The following ZC3H3 variants were observed in gnomAD, a reference collection of about 807,000 sequenced individuals.
ZC3H3 encodes zinc finger CCCH-type containing 3.
Under a neutral mutation model 77.3 loss-of-function variants are expected in ZC3H3, and 36 were observed. The ratio of observed to expected loss-of-function variants is 0.47; its 90% CI spans 0.36 to 0.61. ZC3H3 has a LOEUF of 0.61. ZC3H3 is among the 20% of genes least tolerant of loss of function. The pLI is 0.00. For synonymous variants in ZC3H3, 626 were observed against 555.2 expected (o/e 1.13, Z -1.79); for missense variants, 1,331 against 1,312.2 (o/e 1.01, Z -0.22).
chr8:143,495,766 T>C (rs939324291), intron 4 of ZC3H3, among the ~76,000 whole-genome samples: 6 of 149,996 alleles, frequency 4.0e-5, no homozygotes, highest in Admixed American at 6.6e-5. Context: ...TTCTTTCTTT[T>C]TTTTTTTTTT....
chr8:143,516,812 C>T (rs7820767), intron 3 of ZC3H3, among the ~76,000 whole-genome samples: 8,126 of 152,282 alleles, frequency 0.053, 730 homozygotes, highest in African/African-American at 0.18. Flanking sequence ...CCGTGGGATC[C>T]GGGGATTCAT....
chr8:143,514,313 C>G (rs1821963391), intron 3 of ZC3H3, among the ~76,000 whole-genome samples: 1 of 152,170 alleles, frequency 6.6e-6, no homozygotes, highest in Non-Finnish European at 1.5e-5. Context: ...CCACTCCCAC[C>G]CGGGCTGCCA....
At chr8:143,537,617 T>C (rs1009570278) in intron 2 of ZC3H3, among the ~76,000 whole-genome samples, 2 of 152,084 alleles carry the variant, frequency 1.3e-5, no homozygotes, top group Non-Finnish European at 1.5e-5. Flanking sequence ...TGTCTCACCA[T>C]CCCCCTGGGG....
In ZC3H3 at chr8:143,536,258, T is replaced by C; in HGVS notation, c.1560A>G (p.Glu520=). 1.9e-6 allele frequency: 3 copies of C among 1,610,228 alleles called. No individual in the cohort carries two copies. In the Admixed American group the frequency reaches 5.0e-5, roughly 27 times the overall value. The part of the protein sequence containing the change: ...PPSRAHLPTK[E]ASSLHAVRTA... ...CCAGCGCCCCTGCTCCCAGCATACCTTCCTTGGTGGGGAGGTGGGCCCGGC... is the reference window on the plus strand; with the variant it reads ...CCAGCGCCCCTGCTCCCAGCATACCCTCCTTGGTGGGGAGGTGGGCCCGGC... The change falls in exon 3 of 12, where the codon GAA becomes GAG. Residue 520 remains glutamate, a splice_region_variant and synonymous_variant. Transcript: ENST00000262577.
At chr8:143,534,700 C>T (rs1822736650) in intron 3 of ZC3H3, among the ~76,000 whole-genome samples, 1 of 152,174 alleles carries the variant, frequency 6.6e-6, no homozygotes, top group Admixed American at 6.5e-5. Context: ...CCACCCCTAC[C>T]ATCCACTCCC....
chr8:143,451,798 A>AG (rs1345031325), intron 9 of ZC3H3, among the ~76,000 whole-genome samples: 1 of 148,358 alleles, frequency 6.7e-6, no homozygotes, highest in Non-Finnish European at 1.5e-5. Flanking sequence ...AAAAAAAAAA[A>AG]GAAAAGAAAA....
chr8:143,466,298 C>T (rs1820407171), intron 8 of ZC3H3, among the ~76,000 whole-genome samples: 4 of 152,212 alleles, frequency 2.6e-5, no homozygotes, highest in Non-Finnish European at 4.4e-5. Context: ...GGCTCTCCCT[C>T]TCCAGGCACC....
chr8:143,532,581 C>T (rs1052479930), intron 3 of ZC3H3, among the ~76,000 whole-genome samples: 2 of 152,268 alleles, frequency 1.3e-5, no homozygotes, highest in South Asian at 2.1e-4. Flanking sequence ...AACACCCCAG[C>T]CGATGGAGGC....
intron 5 of ZC3H3, 62 bp downstream of exon 5, chr8:143,475,336 A>T (rs1820701913): frequency 7.8e-6 from 12 of 1,548,316 alleles, no homozygotes; most frequent in Non-Finnish European, 1.0e-5. Flanking sequence ...TCTGGCCTGC[A>T]ATGCCCACCA....
rs557952029 is a variant in ZC3H3 at position 143,518,618 on chromosome 8, G to A, written c.1562-10719C>T. Among the ~76,000 whole-genome samples the A allele has an allele frequency of 3.9e-5, 6 of 152,352 alleles. No homozygotes were observed. The East Asian group carries it at 5.8e-4, about 15-fold the overall frequency. ...GTGGGCAGGCCGCAGAGGGGAGGTCGTGGATGCCAGGCACCAGGTGTGCCC... is the reference window on the plus strand; with the variant it reads ...GTGGGCAGGCCGCAGAGGGGAGGTCATGGATGCCAGGCACCAGGTGTGCCC... On this transcript the variant is annotated intron_variant, in intron 3 of 11. Transcript: ENST00000262577.
chr8:143,539,182 T>C lies in ZC3H3; in HGVS notation c.185A>G (p.Tyr62Cys), dbSNP rs923753696. 1 of 1,612,296 alleles carries C rather than the reference T, an allele frequency of 6.2e-7. No homozygotes were observed. The highest frequency in any genetic ancestry group is 8.5e-7 in the Non-Finnish European group (1 of 1,179,872). Reference protein sequence around the residue: ...ARYPRPSRRGYSSHHGPSWRK... With the variant: ...ARYPRPSRRGCSSHHGPSWRK... ...CCACGAAGGCCCATGGTGGGAAGAGTAGCCCCTCCGGCTTGGACGAGGGTA... is the reference window on the plus strand; with the variant it reads ...CCACGAAGGCCCATGGTGGGAAGAGCAGCCCCTCCGGCTTGGACGAGGGTA... Residue 62 changes from tyrosine (Y) to cysteine (C), a missense_variant, in exon 2 of 12, where the codon TAC (tyrosine) becomes TGC (cysteine). Coordinates refer to ENST00000262577, the MANE Select transcript of ZC3H3 (RefSeq NM_015117.3).
At chr8:143,523,413 G>A in intron 3 of ZC3H3, 1 of 985,428 alleles carries the variant, frequency 1.0e-6, no homozygotes, top group Non-Finnish European at 1.2e-6. Flanking sequence ...TGTTTTCCCG[G>A]TGCCCTGTCT....
intron 3 of ZC3H3, among the ~76,000 whole-genome samples, chr8:143,532,012 A>G (rs1445031461): frequency 1.3e-5 from 2 of 152,280 alleles, no homozygotes; most frequent in Non-Finnish European, 2.9e-5. Context: ...CGCGGCAATT[A>G]CGCTGCAATA....
intron 4 of ZC3H3, among the ~76,000 whole-genome samples, chr8:143,497,825 G>A (rs914104983): frequency 6.6e-6 from 1 of 152,176 alleles, no homozygotes; most frequent in African/African-American, 2.4e-5. Flanking sequence ...CCAGCAGCTC[G>A]AGGCCTGGCC....
At chr8:143,481,136 G>A (rs1820896487) in intron 4 of ZC3H3, among the ~76,000 whole-genome samples, 5 of 152,194 alleles carry the variant, frequency 3.3e-5, no homozygotes, top group Admixed American at 2.6e-4. Context: ...TGTGGCCAGG[G>A]GTTCGAGGCC....
intron 8 of ZC3H3, among the ~76,000 whole-genome samples, chr8:143,466,625 C>G (rs1246476944): frequency 6.6e-6 from 1 of 152,130 alleles, no homozygotes; most frequent in Non-Finnish European, 1.5e-5. Context: ...GGAGACATCT[C>G]CCTGCCCCTC....
intron 9 of ZC3H3, among the ~76,000 whole-genome samples, chr8:143,442,731 G>A (rs1372253781): frequency 6.6e-6 from 1 of 152,240 alleles, no homozygotes; most frequent in African/African-American, 2.4e-5. Context: ...CATGTGCCAG[G>A]ACTCAGACTT....
intron 1 of ZC3H3, 83 bp downstream of exon 1, chr8:143,541,293 C>A (rs1823006284): frequency 4.4e-6 from 7 of 1,588,000 alleles, no homozygotes; most frequent in East Asian, 4.7e-5. Context: ...CGGTGAGCGA[C>A]CCCTTCGACA....
At chr8:143,488,754 TA>T (rs1821115391) in intron 4 of ZC3H3, among the ~76,000 whole-genome samples, 1 of 152,096 alleles carries the variant, frequency 6.6e-6, no homozygotes, top group African/African-American at 2.4e-5. Flanking sequence ...CACAGAAAAG[TA>T]AAAACTTCTG....
Sources: gnomAD v4.1 joint callset for allele counts (sites outside exome capture counted in the v4.1 genomes callset) on GRCh38, gnomAD v4.1.1 for gene constraint, MANE v1.5 for transcripts, NCBI Gene and HGNC (gene_info 2026-07-23, HGNC 2026-07-21) for gene names.